The following CCDC192 variants were observed in gnomAD, a reference collection of about 807,000 sequenced individuals.
CCDC192 encodes coiled-coil domain containing 192.
At chr5:127,895,270 C>T (rs1288614817) in intron 6 of CCDC192, among the ~76,000 whole-genome samples, 2 of 152,126 alleles carry the variant, frequency 1.3e-5, no homozygotes, top group African/African-American at 4.8e-5. Context: ...TCCTATTACT[C>T]CTGATGGGAT....
At chr5:127,781,956 T>G (rs990737064) in intron 3 of CCDC192, among the ~76,000 whole-genome samples, 15 of 152,228 alleles carry the variant, frequency 9.9e-5, no homozygotes, top group African/African-American at 3.6e-4. Context: ...CCATTTAGTA[T>G]TATGTTGGCT....
intron 5 of CCDC192, among the ~76,000 whole-genome samples, chr5:127,865,409 A>G (rs1392000989): frequency 1.3e-5 from 2 of 152,040 alleles, no homozygotes; most frequent in Non-Finnish European, 2.9e-5. Flanking sequence ...CTTTAAGTAA[A>G]GAAGTTTTCA....
intron 3 of CCDC192, among the ~76,000 whole-genome samples, chr5:127,789,699 G>T (rs761220116): frequency 6.6e-6 from 1 of 152,222 alleles, no homozygotes; most frequent in Non-Finnish European, 1.5e-5. Context: ...GGAAAATGAA[G>T]AAAGTTTCTC....
At chr5:127,851,332 C>T (rs994609203) in intron 5 of CCDC192, among the ~76,000 whole-genome samples, 1 of 152,184 alleles carries the variant, frequency 6.6e-6, no homozygotes, top group African/African-American at 2.4e-5. Context: ...CAACATTCAC[C>T]TAGCTTTTGG....
At chr5:127,776,082 G>A (rs1209677125) in intron 3 of CCDC192, among the ~76,000 whole-genome samples, 1 of 152,224 alleles carries the variant, frequency 6.6e-6, no homozygotes, top group African/African-American at 2.4e-5. Context: ...AAGTTTAAAA[G>A]CTACTTTGGA....
chr5:127,719,514 T>C (rs1398291322), intron 2 of CCDC192, among the ~76,000 whole-genome samples: 1 of 118,832 alleles, frequency 8.4e-6, no homozygotes, highest in Non-Finnish European at 1.6e-5. Flanking sequence ...TACATATATA[T>C]ATATATATAT....
intron 2 of CCDC192, among the ~76,000 whole-genome samples, chr5:127,752,648 G>C (rs916485043): frequency 5.5e-4 from 83 of 152,236 alleles, no homozygotes; most frequent in Non-Finnish European, 6.9e-4. Context: ...CACCCAGTTA[G>C]AGCTTCCGGG....
intron 6 of CCDC192, among the ~76,000 whole-genome samples, chr5:127,896,698 G>A (rs568675968): frequency 1.5e-4 from 23 of 152,160 alleles, no homozygotes; most frequent in Admixed American, 1.2e-3. Context: ...CACCCGCCTC[G>A]GCCTCCCTAA....
At chr5:127,822,795 A>T (rs1420110506) in intron 5 of CCDC192, among the ~76,000 whole-genome samples, 1 of 152,180 alleles carries the variant, frequency 6.6e-6, no homozygotes, top group Non-Finnish European at 1.5e-5. Flanking sequence ...AGGATAACGG[A>T]TAAAATGGCC....
At chr5:127,937,267 A>G (rs893107311) in intron 6 of CCDC192, among the ~76,000 whole-genome samples, 1 of 151,796 alleles carries the variant, frequency 6.6e-6, no homozygotes, top group African/African-American at 2.4e-5. Flanking sequence ...TTCAGCATCT[A>G]CTCTACCCCT....
In CCDC192 at chr5:127,756,081, C is replaced by A. The variant is rs374571823; in HGVS notation, c.222+1706C>A. ...CCGGGAGGCGGAGCTTGCAGTGAGC[C>A]GAGATTGCGCCACTGCACTCCAGCC... On this transcript the variant is annotated intron_variant, in intron 3 of 6. Coordinates refer to ENST00000514853, the MANE Select transcript of CCDC192 (RefSeq NM_001317938.2). 2.1e-3 allele frequency among the ~76,000 whole-genome samples: 312 copies of A among 151,412 alleles called. 2 individuals are homozygous for A. In the South Asian group the frequency reaches 0.021, roughly 10 times the overall value.
chr5:127,805,323 A>G (rs1484802361), intron 5 of CCDC192, among the ~76,000 whole-genome samples: 1 of 152,166 alleles, frequency 6.6e-6, no homozygotes, highest in Admixed American at 6.5e-5. Flanking sequence ...AAGACACAAA[A>G]ATCCCTGCTC....
chr5:127,746,674 C>T (rs1024281101), intron 2 of CCDC192, among the ~76,000 whole-genome samples: 3 of 151,132 alleles, frequency 2.0e-5, no homozygotes, highest in Non-Finnish European at 4.4e-5. Flanking sequence ...ATCAGGGATC[C>T]GAGGACAATT....
Position 127,896,749 on chromosome 5 carries a change from T to G in CCDC192, c.535+21088T>G, listed in dbSNP as rs751184098. 3.9e-5 allele frequency among the ~76,000 whole-genome samples: 6 copies of G among 152,170 alleles called. No homozygotes were observed. The South Asian group carries it at 1.2e-3, about 32-fold the overall frequency. On this transcript the variant is annotated intron_variant, in intron 6 of 6. Transcript: ENST00000514853. ...GCGTGAGCCACTGTGCCCAGCTGATTCTTTTCATTTTCTGTGTTTCCTGTT... is the reference window on the plus strand; with the variant it reads ...GCGTGAGCCACTGTGCCCAGCTGATGCTTTTCATTTTCTGTGTTTCCTGTT...
chr5:127,876,200 C>A (rs1580783812), intron 6 of CCDC192, among the ~76,000 whole-genome samples: 1 of 151,214 alleles, frequency 6.6e-6, no homozygotes, highest in African/African-American at 2.4e-5. Flanking sequence ...AAAAAGACTT[C>A]TCCAGCTAAC....
intron 6 of CCDC192, among the ~76,000 whole-genome samples, chr5:127,920,590 T>C (rs1980237): frequency 0.091 from 13,878 of 151,838 alleles, 865 homozygotes; most frequent in Non-Finnish European, 0.14. Context: ...TTTGTATTTT[T>C]AGTAGAGATG....
intron 3 of CCDC192, among the ~76,000 whole-genome samples, chr5:127,783,108 G>T (rs1756332675): frequency 6.6e-6 from 1 of 151,224 alleles, no homozygotes; most frequent in African/African-American, 2.4e-5. Context: ...TGATTCTTCT[G>T]CCTCAGCCTC....
chr5:127,857,777 C>A (rs1283808655), intron 5 of CCDC192: 1 of 152,138 alleles, frequency 6.6e-6, no homozygotes, highest in African/African-American at 2.4e-5. Context: ...GGCATGATTG[C>A]TTCTTCTTCA....
chr5:127,708,372 T>C (rs1751089325), intron 2 of CCDC192, among the ~76,000 whole-genome samples: 1 of 152,174 alleles, frequency 6.6e-6, no homozygotes, highest in South Asian at 2.1e-4. Context: ...AGCTAGGTGA[T>C]GGGTATACAG....
Sources: allele counts gnomAD v4.1 joint callset (sites outside exome capture counted in the v4.1 genomes callset), GRCh38; gene constraint gnomAD v4.1.1; transcripts MANE v1.5; gene names NCBI Gene and HGNC (gene_info 2026-07-23, HGNC 2026-07-21).